Variants in SGCD observed in about 807,000 individuals in gnomAD.
The protein encoded by SGCD is sarcoglycan delta, also known as delta-sarcoglycan.
A neutral mutation model predicts 36.6 loss-of-function variants in SGCD; 18 were observed. That is an observed-to-expected ratio of 0.49 (90% confidence interval 0.34 to 0.73). The LOEUF is 0.73. Among genes scored for constraint, SGCD ranks in the 30% least tolerant of loss-of-function variants. The probability of loss-of-function intolerance (pLI) is 0.01; values close to 1 mark genes in which losing one functional copy is unlikely to be tolerated. For synonymous variants in SGCD, 133 were observed against 130.6 expected, an observed-to-expected ratio of 1.02 and a Z score of -0.12; for missense variants, 387 against 346.7, an observed-to-expected ratio of 1.12 and a Z score of -0.92.
At chr5:155,818,016 T>G in the SGCD span, among the ~76,000 whole-genome samples, 9 of 152,294 alleles carry the variant, frequency 5.9e-5, no homozygotes, top group South Asian at 6.2e-4. Flanking sequence ...GCATGCAGAA[T>G]ATATTTTTTC....
chr5:156,083,308 C>CT (rs913526805), intron 1 of SGCD, among the ~76,000 whole-genome samples: 5 of 127,562 alleles, frequency 3.9e-5, no homozygotes, highest in South Asian at 2.4e-4. Context: ...TTTTTTTTTT[C>CT]TTTTTTTTGG....
chr5:156,594,995 T>C lies in SGCD; in HGVS notation c.446T>C (p.Leu149Pro), dbSNP rs1354428992. 1 of 1,612,688 alleles carries C rather than the reference T, an allele frequency of 6.2e-7. No individual in the cohort carries two copies. Among genetic ancestry groups the C allele is most frequent in the East Asian group, 2.2e-5 (1 of 44,854 alleles). ...GTAAAAACTGTTTCTGGAAAATTGC[T>C]CTTCTCTGCAGACAATAATGAAGTG... ...FEVKTVSGKLLFSADNNEVVV... is the reference protein window; with the variant it reads ...FEVKTVSGKLPFSADNNEVVV... Residue 149 changes from leucine (L) to proline (P), a missense_variant, in exon 6 of 9, where the codon CTC (leucine) becomes CCC (proline). Leu to Pro is a moderately conservative substitution (Grantham distance 98). Transcript: ENST00000337851.
In SGCD at chr5:156,333,783, A is replaced by AT. The variant is rs70984404; in HGVS notation, c.3+4241dup. 6.5e-4 allele frequency among the ~76,000 whole-genome samples: 13 copies of AT among 19,964 alleles called. 1 individual carries two copies. The highest frequency in any genetic ancestry group is 1.0e-3 in the East Asian group (1 of 978). 13.1% of individuals were successfully genotyped at this position (19,964 alleles called of 152,430 possible). On this transcript the variant is annotated intron_variant, in intron 2 of 8. Coordinates refer to ENST00000337851, the MANE Select transcript of SGCD (RefSeq NM_000337.6). ...GTGCTTTCTTTATGTTAGAAAAGTG[A>AT]TTTTTTTTTTTTTTTTTTTTTTTTT...
chr5:156,129,209 T>C (rs991896851), intron 3 of SGCD, among the ~76,000 whole-genome samples: 4 of 152,226 alleles, frequency 2.6e-5, no homozygotes, highest in African/African-American at 9.6e-5. Context: ...ATTAAAATTT[T>C]GTTAGGAACT....
the SGCD span, among the ~76,000 whole-genome samples, chr5:155,844,456 T>TGTGTGTGTGTGTGTGTGTG: frequency 6.8e-6 from 1 of 148,068 alleles, no homozygotes; most frequent in African/African-American, 2.4e-5. Flanking sequence ...TGTGTGTGTG[T>TGTGTGTGTGTGTGTGTGTG]TATAAACAAG....
At chr5:155,862,493 G>A in the SGCD span, among the ~76,000 whole-genome samples, 2 of 152,028 alleles carry the variant, frequency 1.3e-5, no homozygotes, top group African/African-American at 2.4e-5. Context: ...CACCTGGCTA[G>A]TTTTTTATTT....
the SGCD span, among the ~76,000 whole-genome samples, chr5:155,805,681 G>A: frequency 1.6e-4 from 25 of 152,326 alleles, no homozygotes; most frequent in Admixed American, 1.4e-3. Flanking sequence ...CTGTTGTAGA[G>A]GAAGTGTTGC....
chr5:156,187,284 CA>C (rs1763784834), intron 3 of SGCD, among the ~76,000 whole-genome samples: 1 of 151,734 alleles, frequency 6.6e-6, no homozygotes, highest in African/African-American at 2.4e-5. Flanking sequence ...AATATGATTT[CA>C]ATAGGATAAT....
chr5:156,729,359 G>C (rs1298075307), intron 7 of SGCD, among the ~76,000 whole-genome samples: 1 of 152,084 alleles, frequency 6.6e-6, no homozygotes, highest in Non-Finnish European at 1.5e-5. Flanking sequence ...CTATCTCTCC[G>C]GTGAAAATCT....
chr5:156,529,548 T>C (rs1470805209), intron 4 of SGCD, among the ~76,000 whole-genome samples: 1 of 152,196 alleles, frequency 6.6e-6, no homozygotes, highest in Non-Finnish European at 1.5e-5. Context: ...AAAATGCTTT[T>C]TTTCTTAATG....
intron 7 of SGCD, among the ~76,000 whole-genome samples, chr5:156,693,064 G>A (rs909549648): frequency 6.6e-6 from 1 of 152,120 alleles, no homozygotes; most frequent in East Asian, 1.9e-4. Flanking sequence ...CACTCAGCCC[G>A]AAAGAGGAAA....
intron 3 of SGCD, among the ~76,000 whole-genome samples, chr5:156,157,818 A>G (rs905223788): frequency 7.3e-5 from 11 of 151,700 alleles, no homozygotes; most frequent in Non-Finnish European, 1.5e-4. Context: ...ATTGTTAGGA[A>G]ATACAGTATA....
chr5:156,209,421 G>A (rs1023521745), intron 3 of SGCD, among the ~76,000 whole-genome samples: 3 of 152,132 alleles, frequency 2.0e-5, no homozygotes, highest in Non-Finnish European at 4.4e-5. Flanking sequence ...ATTACTCTAG[G>A]TTACAGATCA....
chr5:155,762,440 T>C, the SGCD span, among the ~76,000 whole-genome samples: 1 of 152,238 alleles, frequency 6.6e-6, no homozygotes, highest in African/African-American at 2.4e-5. Flanking sequence ...ATAATAACTA[T>C]GACATCTTTC....
intron 1 of SGCD, among the ~76,000 whole-genome samples, chr5:155,982,078 G>A (rs1019862003): frequency 9.9e-5 from 15 of 152,140 alleles, no homozygotes; most frequent in African/African-American, 2.9e-4. Context: ...TATCCTCTCC[G>A]TTCACTTTCT....
intron 3 of SGCD, among the ~76,000 whole-genome samples, chr5:156,159,144 T>A (rs570993075): frequency 2.6e-5 from 4 of 151,754 alleles, no homozygotes; most frequent in African/African-American, 7.3e-5. Context: ...GTCTTGGCTA[T>A]TTTGCAAGAT....
rs576248105 is a variant in SGCD, at chr5:156,412,318, A to G, written c.192+67641A>G. 1.1e-4 allele frequency among the ~76,000 whole-genome samples: 16 copies of G among 152,376 alleles called. No homozygotes were observed. The East Asian group carries it at 3.1e-3, about 29-fold the overall frequency. ...GAATTTCAAAGTGTAAAATTAGACC[A>G]GGTATATAAAAGTTCTTTAAAAAGC... On this transcript the variant is annotated intron_variant, in intron 3 of 8. Transcript: ENST00000337851.
At chr5:156,723,405 C>T (rs556594248) in intron 7 of SGCD, among the ~76,000 whole-genome samples, 2 of 152,308 alleles carry the variant, frequency 1.3e-5, no homozygotes, top group East Asian at 1.9e-4. Context: ...TAGACTTAAA[C>T]GTTGCCAGCA....
At chr5:156,411,908 G>GTT (rs1580950159) in intron 3 of SGCD, among the ~76,000 whole-genome samples, 1 of 151,858 alleles carries the variant, frequency 6.6e-6, no homozygotes, top group African/African-American at 2.4e-5. Context: ...TGTGAGTTAG[G>GTT]GTTTTTGTTA....
Sources: gnomAD v4.1 joint callset for allele counts (sites outside exome capture counted in the v4.1 genomes callset) on GRCh38, gnomAD v4.1.1 for gene constraint, MANE v1.5 for transcripts, NCBI Gene and HGNC (gene_info 2026-07-23, HGNC 2026-07-21) for gene names.